The following ROBO2 variants were observed in gnomAD, a reference collection of about 807,000 sequenced individuals.
ROBO2 encodes roundabout guidance receptor 2.
Under a neutral mutation model 160.8 loss-of-function variants are expected in ROBO2, and 53 were observed. The observed-to-expected ratio is 0.33, with a 90% confidence interval of 0.26 to 0.41. The LOEUF is 0.41. Ranked by LOEUF, ROBO2 falls within the 10% of genes least tolerant of loss-of-function variation. ROBO2 has a pLI of 1.00. For missense variants in ROBO2, 1,577 were observed against 1,722.4 expected (o/e 0.92, Z 1.49); for synonymous variants, 664 against 611.7 (o/e 1.09, Z -1.26).
chr3:77,162,204 AT>A (rs2078556878), intron 2 of ROBO2, among the ~76,000 whole-genome samples: 1 of 152,204 alleles, frequency 6.6e-6, no homozygotes, highest in Non-Finnish European at 1.5e-5. Flanking sequence ...GGAGAAAAAA[AT>A]AAAACAGCTT....
intron 1 of ROBO2, among the ~76,000 whole-genome samples, chr3:75,936,216 T>C (rs888197950): frequency 2.6e-5 from 4 of 152,218 alleles, no homozygotes; most frequent in African/African-American, 9.6e-5. Flanking sequence ...TCTGATACTA[T>C]GAGTCTGAAG....
At chr3:77,568,366 G>A (rs760547917) in exon 13 of ROBO2, 1 of 1,613,038 alleles carries the variant, frequency 6.2e-7, no homozygotes, top group Non-Finnish European at 8.5e-7. Context: ...GAAAGAGCTA[G>A]GAGATGTCCT....
intron 2 of ROBO2, among the ~76,000 whole-genome samples, chr3:76,688,041 C>T (rs2092720710): frequency 6.6e-6 from 1 of 151,610 alleles, no homozygotes; most frequent in Non-Finnish European, 1.5e-5. Context: ...TCCTTATTAG[C>T]TTTTAAATAC....
intron 19 of ROBO2, 90 bp downstream of exon 20, chr3:77,596,840 C>A (rs943293598): frequency 3.5e-6 from 5 of 1,444,522 alleles, no homozygotes; most frequent in Non-Finnish European, 4.8e-6. Context: ...AGAAACATAT[C>A]AGAGAGTATT....
intron 2 of ROBO2, among the ~76,000 whole-genome samples, chr3:77,004,523 A>G (rs561452439): frequency 3.9e-5 from 6 of 152,168 alleles, no homozygotes; most frequent in Non-Finnish European, 8.8e-5. Flanking sequence ...AAGCTATACA[A>G]TGTCCATGGT....
chr3:76,815,150 T>A (rs2065548913), intron 2 of ROBO2, among the ~76,000 whole-genome samples: 1 of 152,002 alleles, frequency 6.6e-6, no homozygotes, highest in Admixed American at 6.6e-5. Context: ...ATGAGAATAA[T>A]TTTGGAGCTA....
intron 2 of ROBO2, among the ~76,000 whole-genome samples, chr3:77,328,036 C>A (rs1374288403): frequency 7.4e-6 from 1 of 135,652 alleles, no homozygotes; most frequent in African/African-American, 2.8e-5. Flanking sequence ...GCCTTCCAGC[C>A]TGGGTGACAG....
At chr3:77,586,713 G>A (rs970917464) in intron 16 of ROBO2, among the ~76,000 whole-genome samples, 3 of 151,640 alleles carry the variant, frequency 2.0e-5, no homozygotes, top group African/African-American at 4.8e-5. Flanking sequence ...CTTTGTTCAA[G>A]AAGTTATTTG....
intron 2 of ROBO2, among the ~76,000 whole-genome samples, chr3:76,441,210 G>T (rs1559949983): frequency 6.6e-6 from 1 of 152,148 alleles, no homozygotes; most frequent in African/African-American, 2.4e-5. Flanking sequence ...TTAAGACATG[G>T]TTTTAATTAC....
chr3:76,437,523 A>C (rs762079639), intron 2 of ROBO2, among the ~76,000 whole-genome samples: 18 of 152,198 alleles, frequency 1.2e-4, no homozygotes, highest in Non-Finnish European at 2.2e-4. Flanking sequence ...TTGAAATGTC[A>C]CATGTGAATT....
intron 2 of ROBO2, among the ~76,000 whole-genome samples, chr3:76,544,783 C>T (rs1222581268): frequency 2.6e-5 from 4 of 151,878 alleles, no homozygotes; most frequent in African/African-American, 9.7e-5. Flanking sequence ...ACATGATGCC[C>T]GTTAAATTAG....
At chr3:76,699,111 C>T (rs1467274236) in intron 2 of ROBO2, among the ~76,000 whole-genome samples, 1 of 152,020 alleles carries the variant, frequency 6.6e-6, no homozygotes, top group African/African-American at 2.4e-5. Context: ...TCTAGTCTGC[C>T]AATTTGAGCC....
At chr3:77,362,106 G>A (rs1345540706) in intron 2 of ROBO2, among the ~76,000 whole-genome samples, 1 of 152,112 alleles carries the variant, frequency 6.6e-6, no homozygotes, top group African/African-American at 2.4e-5. Flanking sequence ...TGTTGGAAAG[G>A]GAAAGTCAGG....
At chr3:76,968,707 T>C (rs1230940655) in intron 2 of ROBO2, among the ~76,000 whole-genome samples, 1 of 152,198 alleles carries the variant, frequency 6.6e-6, no homozygotes, top group Non-Finnish European at 1.5e-5. Context: ...ATTATATGCA[T>C]GTTTTCGTCA....
At position 76,109,033 on chromosome 3, in the gene ROBO2, C is replaced by T. The variant is rs549923246; in HGVS notation, c.109+171431C>T. ...ATCTTTTTTCGCAAGTAATATCTAA[C>T]GTGAAGAAAATGTTCTCTAAAATCA... On this transcript the variant is annotated intron_variant, in intron 2 of 26. Coordinates refer to the ROBO2 transcript ENST00000487694. Among the ~76,000 whole-genome samples the T allele has an allele frequency of 6.6e-5, 10 of 151,830 alleles. No individual in the cohort carries two copies. The East Asian group carries it at 1.4e-3, about 21-fold the overall frequency.
At chr3:77,638,971 C>T (rs2095308904) in intron 24 of ROBO2, among the ~76,000 whole-genome samples, 1 of 151,870 alleles carries the variant, frequency 6.6e-6, no homozygotes, top group Non-Finnish European at 1.5e-5. Context: ...GGATTACAGG[C>T]ATCCACCACC....
chr3:76,781,855 A>G (rs1365970591), intron 2 of ROBO2, among the ~76,000 whole-genome samples: 2 of 150,794 alleles, frequency 1.3e-5, no homozygotes, highest in Admixed American at 6.6e-5. Flanking sequence ...CGGCTTTGGT[A>G]TCAGGGTAAT....
At chr3:76,147,424 A>T (rs182927625) in intron 2 of ROBO2, among the ~76,000 whole-genome samples, 16 of 152,040 alleles carry the variant, frequency 1.1e-4, no homozygotes, top group Admixed American at 8.5e-4. Context: ...GTGCATACGC[A>T]TATTTTGTTT....
intron 2 of ROBO2, among the ~76,000 whole-genome samples, chr3:76,404,518 A>G (rs2078018327): frequency 6.6e-6 from 1 of 151,590 alleles, no homozygotes; most frequent in African/African-American, 2.4e-5. Context: ...TGAACCAGAC[A>G]TTTCAGGACT....
Sources: gnomAD v4.1 joint callset for allele counts (sites outside exome capture counted in the v4.1 genomes callset) on GRCh38, gnomAD v4.1.1 for gene constraint, MANE v1.5 for transcripts, NCBI Gene and HGNC (gene_info 2026-07-23, HGNC 2026-07-21) for gene names.